DOK5: variants seen among roughly 807,000 people sequenced by gnomAD.
DOK5 encodes the protein downstream of tyrosine kinase 5.
DOK5 carries 27 observed loss-of-function variants against 43.3 expected under a neutral mutation model. That is an observed-to-expected ratio of 0.62 (90% CI 0.46 to 0.86). The LOEUF (loss-of-function observed/expected upper bound fraction) is 0.86, where lower values mean the gene tolerates loss of function less well. Ranked by LOEUF, DOK5 falls within the 40% of genes least tolerant of loss-of-function variation. The probability of loss-of-function intolerance (pLI) is 0.00; values close to 1 mark genes in which losing one functional copy is unlikely to be tolerated. For missense variants in DOK5, 373 were observed against 392.9 expected (o/e 0.95, Z 0.43); for synonymous variants, 146 against 140.1 (o/e 1.04, Z -0.30).
At chr20:54,569,270 A>G (rs1315022336) in intron 2 of DOK5, among the ~76,000 whole-genome samples, 1 of 152,136 alleles carries the variant, frequency 6.6e-6, no homozygotes, top group East Asian at 1.9e-4. Context: ...CATATTCAAA[A>G]TATTGTGGTT....
At chr20:54,569,563 G>C (rs552412985) in intron 2 of DOK5, among the ~76,000 whole-genome samples, 8 of 152,308 alleles carry the variant, frequency 5.3e-5, no homozygotes, top group African/African-American at 1.9e-4. Context: ...TAGAAGTGAG[G>C]TATCAGGTAA....
intron 1 of DOK5, among the ~76,000 whole-genome samples, chr20:54,499,932 T>A (rs1187825097): frequency 6.6e-6 from 1 of 152,202 alleles, no homozygotes; most frequent in African/African-American, 2.4e-5. Flanking sequence ...CTCTGCTTAA[T>A]CTCTGCTATA....
At chr20:54,530,124 T>A (rs1983719443) in intron 1 of DOK5, among the ~76,000 whole-genome samples, 1 of 152,246 alleles carries the variant, frequency 6.6e-6, no homozygotes, top group Non-Finnish European at 1.5e-5. Flanking sequence ...ACTGTTTAAA[T>A]CATGCACAAG....
chr20:54,644,830 T>C (rs1447408252), intron 7 of DOK5, among the ~76,000 whole-genome samples: 1 of 151,346 alleles, frequency 6.6e-6, no homozygotes, highest in East Asian at 2.0e-4. Flanking sequence ...ATTGCACCAT[T>C]GCACTCCAGC....
chr20:54,509,464 G>A lies in DOK5; in HGVS notation c.66+33452G>A, dbSNP rs139845439. On this transcript the variant is annotated intron_variant, in intron 1 of 7. Transcript: ENST00000262593. ...TCACCTCCGCCTCCCAAAATGCTGG[G>A]ATTATAGATCTAAGCCACTATGCCC... is the stretch of plus-strand genomic sequence containing the variant. Among the ~76,000 whole-genome samples the A allele has an allele frequency of 7.9e-5, 12 of 152,336 alleles. 1 individual carries two copies. In the East Asian group the frequency reaches 2.3e-3, roughly 29 times the overall value.
intron 6 of DOK5, among the ~76,000 whole-genome samples, chr20:54,611,495 A>C (rs985262666): frequency 2.2e-4 from 34 of 152,282 alleles, no homozygotes; most frequent in African/African-American, 8.2e-4. Flanking sequence ...CAGGAGGTGA[A>C]GGCTACAGTG....
chr20:54,488,032 T>C (rs1982011145), intron 1 of DOK5, among the ~76,000 whole-genome samples: 1 of 152,256 alleles, frequency 6.6e-6, no homozygotes, highest in Non-Finnish European at 1.5e-5. Context: ...TAAGAAATCA[T>C]ACTTCTTTGA....
chr20:54,488,479 A>T (rs1274659149), intron 1 of DOK5, among the ~76,000 whole-genome samples: 1 of 152,046 alleles, frequency 6.6e-6, no homozygotes, highest in Admixed American at 6.6e-5. Flanking sequence ...AGAACTTAAC[A>T]ATTTTTCTTT....
chr20:54,643,665 T>A, intron 7 of DOK5, 87 bp downstream of exon 7: 1 of 1,490,368 alleles, frequency 6.7e-7, no homozygotes, highest in East Asian at 2.4e-5. Flanking sequence ...AGCTGCTGCA[T>A]GCCAGCTGGT....
chr20:54,625,484 G>A (rs1212103212), intron 6 of DOK5, among the ~76,000 whole-genome samples: 1 of 152,148 alleles, frequency 6.6e-6, no homozygotes, highest in African/African-American at 2.4e-5. Context: ...CATCCTTTAG[G>A]ATCTGTATAA....
At chr20:54,643,336 T>C in intron 6 of DOK5, 122 bp from the exon 7 acceptor site, 1 of 1,323,428 alleles carries the variant, frequency 7.6e-7, no homozygotes, top group Non-Finnish European at 1.0e-6. Flanking sequence ...TCAATCGATG[T>C]TCATTGATTT....
chr20:54,626,962 A>T (rs911346420), intron 6 of DOK5, among the ~76,000 whole-genome samples: 1 of 152,250 alleles, frequency 6.6e-6, no homozygotes, highest in Non-Finnish European at 1.5e-5. Flanking sequence ...ACACTGAAAC[A>T]GCAGAGTCGA....
chr20:54,609,773 A>G (rs1048724092), intron 5 of DOK5, among the ~76,000 whole-genome samples: 7 of 152,142 alleles, frequency 4.6e-5, no homozygotes, highest in African/African-American at 1.7e-4. Context: ...AAACCATACA[A>G]CTTTCCGTGA....
chr20:54,546,471 C>G (rs149229555), intron 1 of DOK5, among the ~76,000 whole-genome samples: 14 of 151,698 alleles, frequency 9.2e-5, no homozygotes, highest in African/African-American at 3.2e-4. Flanking sequence ...CATATGTATA[C>G]ATGTGCCATG....
intron 6 of DOK5, among the ~76,000 whole-genome samples, chr20:54,629,271 G>A (rs1978454025): frequency 6.6e-6 from 1 of 152,204 alleles, no homozygotes; most frequent in South Asian, 2.1e-4. Flanking sequence ...CTCATCCACA[G>A]ATACAGAGTC....
At chr20:54,576,441 T>C (rs568992640) in intron 2 of DOK5, among the ~76,000 whole-genome samples, 1 of 152,328 alleles carries the variant, frequency 6.6e-6, no homozygotes, top group Non-Finnish European at 1.5e-5. Flanking sequence ...TCTATTTATA[T>C]AAAAAGTTTT....
intron 5 of DOK5, among the ~76,000 whole-genome samples, chr20:54,606,235 C>A (rs988994073): frequency 6.6e-6 from 1 of 152,272 alleles, no homozygotes; most frequent in African/African-American, 2.4e-5. Flanking sequence ...TATTTGAATC[C>A]TTATCATCAC....
At chr20:54,498,480 A>G (rs537236659) in intron 1 of DOK5, among the ~76,000 whole-genome samples, 2 of 152,324 alleles carry the variant, frequency 1.3e-5, no homozygotes, top group African/African-American at 4.8e-5. Context: ...ATATTTAAGA[A>G]TTGCAGCTTG....
Position 54,650,444 on chromosome 20 carries a change from A to G in DOK5, c.886A>G (p.Thr296Ala). 3.7e-6 allele frequency: 6 copies of G among 1,614,072 alleles called. No homozygotes were observed. Among genetic ancestry groups the G allele is most frequent in the Non-Finnish European group, 5.1e-6 (6 of 1,179,992 alleles). Residue 296 changes from threonine to alanine, a missense_variant, in exon 8 of 8, where the codon ACA becomes GCA. Transcript: ENST00000262593. ...TTCCAGCCCTCTGAAGCTTCATCGAACAGAGACTTTTCCAGCCTACAGATC... is the reference window on the plus strand; with the variant it reads ...TTCCAGCCCTCTGAAGCTTCATCGAGCAGAGACTTTTCCAGCCTACAGATC... ...DVSSPLKLHR[T>A]ETFPAYRSEH
Sources: allele counts gnomAD v4.1 joint callset (sites outside exome capture counted in the v4.1 genomes callset), GRCh38; gene constraint gnomAD v4.1.1; transcripts MANE v1.5; gene names NCBI Gene and HGNC (gene_info 2026-07-23, HGNC 2026-07-21).